The following FAM83G variants were observed in gnomAD, a reference collection of about 807,000 sequenced individuals.
FAM83G encodes the protein protein FAM83G.
Under a neutral mutation model 61.5 loss-of-function variants are expected in FAM83G, and 38 were observed. The ratio of observed to expected loss-of-function variants is 0.62; its 90% confidence interval spans 0.48 to 0.81. The LOEUF (loss-of-function observed/expected upper bound fraction) is 0.81, where lower values mean the gene tolerates loss of function less well. FAM83G is among the 30% of genes least tolerant of loss of function. FAM83G has a pLI of 0.00. For missense variants in FAM83G, 989 were observed against 1,133.6 expected, an observed-to-expected ratio of 0.87 and a Z score of 1.83; for synonymous variants, 470 against 476.1, an observed-to-expected ratio of 0.99 and a Z score of 0.17.
rs746975174 is a variant in FAM83G at position 18,978,215 on chromosome 17, TG to T, written c.1450del (p.Gln484ArgfsTer33). On this transcript the variant is annotated frameshift_variant, in exon 5 of 6. Coordinates refer to ENST00000388995, the MANE Select transcript of FAM83G (RefSeq NM_001039999.3). LOFTEE classifies it high-confidence loss of function. The part of the protein sequence containing the change: ...PCPPPEPSAP[Q>X]DGVPAENGLP... Reference sequence around the variant, plus strand: ...GCCGTTCTCAGCTGGGACACCGTCCTGGGGGGCACTGGGCTCTGGGGGAGGG... The same window carrying T: ...GCCGTTCTCAGCTGGGACACCGTCCTGGGGGCACTGGGCTCTGGGGGAGGG... 1.3e-6 allele frequency: 2 copies of T among 1,575,374 alleles called. No individual in the cohort carries two copies. Among genetic ancestry groups the T allele is most frequent in the Non-Finnish European group, 8.6e-7 (1 of 1,160,924 alleles).
Position 18,978,640 on chromosome 17 carries a change from C to T in FAM83G, c.1026G>A (p.Lys342=). The T allele has an allele frequency of 6.2e-7, 1 of 1,613,118 alleles. No individual in the cohort carries two copies. Among genetic ancestry groups the T allele is most frequent in the Non-Finnish European group, 8.5e-7 (1 of 1,180,002 alleles). The change falls in exon 5 of 6, where the codon AAG becomes AAA. Residue 342 remains lysine, a synonymous_variant. Coordinates refer to ENST00000388995, the MANE Select transcript of FAM83G (RefSeq NM_001039999.3). ...VPLVPAGTVA[K]KLVNPKYALV... is the part of the protein sequence containing the mutation. ...GTGCGTACTTGGGGTTGACGAGCTT[C>T]TTGGCCACAGTGCCCGCGGGCACCA... is the stretch of plus-strand genomic sequence containing the variant.
Position 18,969,507 on chromosome 17 carries a change from T to G in FAM83G, c.*1852A>C. ...GGCACTGCCCGGCACTGTGCAGGAT[T>G]CATGCCGTTGGGGTTCTGGGTAGCA... On this transcript the variant is annotated 3_prime_UTR_variant, in exon 6 of 6. Transcript: ENST00000388995. 7.6e-7 allele frequency: 1 copy of G among 1,314,842 alleles called. No homozygotes were observed. Among genetic ancestry groups the G allele is most frequent in the Non-Finnish European group, 1.1e-6 (1 of 930,468 alleles). The allele number at this position is 1,314,842 out of a possible 1,614,324, so 81.4% of individuals were successfully genotyped here. A position where few individuals can be genotyped will look rare whatever the true frequency, so the allele number is the denominator to read the frequency against.
At chr17:18,987,078 G>C (rs566369188) in intron 3 of FAM83G, among the ~76,000 whole-genome samples, 95 of 152,306 alleles carry the variant, frequency 6.2e-4, no homozygotes, top group Non-Finnish European at 7.9e-4. Context: ...GGGGTTGGAG[G>C]GGGTGGGCGC....
rs1174665679 is a variant in FAM83G at position 18,971,756 on chromosome 17, A to T, written c.2083-8T>A. 1.3e-6 allele frequency: 2 copies of T among 1,548,090 alleles called. No homozygotes were observed. The highest frequency in any genetic ancestry group is 4.5e-5 in the East Asian group (2 of 44,170). ...ATGATGAAACTGCTGGCCCTGGGAGAGAGAGAGCAGAGAGTGAGGCTGAGC... is the reference window on the plus strand; with the variant it reads ...ATGATGAAACTGCTGGCCCTGGGAGTGAGAGAGCAGAGAGTGAGGCTGAGC... On this transcript the variant is annotated splice_region_variant and splice_polypyrimidine_tract_variant and intron_variant, in intron 5 of 5. Coordinates refer to ENST00000388995, the MANE Select transcript of FAM83G (RefSeq NM_001039999.3). The surrounding 1 kb of genome is among the most constrained non-coding windows in gnomAD (Gnocchi z 5.5).
rs1388854324 is a variant in FAM83G, at chr17:18,977,871, T to C, written c.1795A>G (p.Ser599Gly). 1 of 1,611,104 alleles carries C rather than the reference T, an allele frequency of 6.2e-7. No individual in the cohort carries two copies. The highest frequency in any genetic ancestry group is 8.5e-7 in the Non-Finnish European group (1 of 1,179,776). The stretch of plus-strand genomic sequence containing the variant: ...CGGGGGCCAGGGCCACGGCCGGAGC[T>C]GCCTGAGTGGCTGTCCTGGTCACTG... ...TLSDQDSHSG[S>G]SGRGPGPRRP... The change falls in exon 5 of 6, where the codon AGC (serine) becomes GGC (glycine). Residue 599 changes from serine to glycine, a missense_variant. Transcript: ENST00000388995.
chr17:18,976,830 C>A (rs772217660), intron 5 of FAM83G: 5 of 1,611,532 alleles, frequency 3.1e-6, no homozygotes, highest in African/African-American at 2.7e-5. Flanking sequence ...CTTGGACTCA[C>A]CCCGTCTCGC....
Position 18,971,656 on chromosome 17 carries a change from G to C in FAM83G, c.2175C>G (p.Asp725Glu). The change falls in exon 6 of 6, where the codon GAC (aspartate) becomes GAG (glutamate). Residue 725 changes from aspartate to glutamate, a missense_variant. Asp to Glu is a conservative substitution (Grantham distance 45). Around this residue, in one of 3 missense-constraint regions of FAM83G, gnomAD observed 574 missense variants for 645.1 expected, o/e 0.89. Transcript: ENST00000388995. This position sits in a 1 kb window ranked among gnomAD's most constrained non-coding sequence, Gnocchi z 5.5. ...CGTTTCTGGTAGAGCTCTGGACGCT[G>C]TCAGCAGCAGAGCGGTACCTAGGGG... ...PGPPRYRSAADSVQSSTRNAG... is the reference protein window; with the variant it reads ...PGPPRYRSAAESVQSSTRNAG... 1 of 1,613,360 alleles carries C rather than the reference G, an allele frequency of 6.2e-7. No individual in the cohort carries two copies.
intron 3 of FAM83G, 140 bp downstream of exon 3, chr17:18,988,107 G>T: frequency 1.5e-6 from 2 of 1,299,248 alleles, no homozygotes; most frequent in Non-Finnish European, 2.1e-6. Flanking sequence ...GTGACTGCTT[G>T]GCAGGAGGCT....
At position 18,979,059 on chromosome 17, in the gene FAM83G, G is replaced by A. The variant is rs116005535; in HGVS notation, c.816-209C>T. 381 of 606,060 alleles carry A rather than the reference G, an allele frequency of 6.3e-4. 2 individuals carry two copies. Among genetic ancestry groups the A allele is most frequent in the African/African-American group, 5.5e-3 (297 of 54,094 alleles). The allele number at this position is 606,060 out of a possible 1,614,324, so 37.5% of individuals were successfully genotyped here. A position where few individuals can be genotyped will look rare whatever the true frequency, so the allele number is the denominator to read the frequency against. On this transcript the variant is annotated intron_variant, in intron 4 of 5. Coordinates refer to ENST00000388995, the MANE Select transcript of FAM83G (RefSeq NM_001039999.3). Reference sequence around the variant, plus strand: ...TTGCACCAAGCCCATTCCCACCTCTGCAAATGACAGGGCACTGTGCTCCTC... The same window carrying A: ...TTGCACCAAGCCCATTCCCACCTCTACAAATGACAGGGCACTGTGCTCCTC...
intron 5 of FAM83G, among the ~76,000 whole-genome samples, chr17:18,972,597 T>A (rs1247303300): frequency 1.3e-5 from 2 of 152,082 alleles, no homozygotes; most frequent in Non-Finnish European, 2.9e-5. Context: ...GGGCGGTGGC[T>A]CAAGCCTGTA....
intron 4 of FAM83G, 166 bp from the exon 5 acceptor site, chr17:18,979,016 G>A (rs1048664370): frequency 2.1e-5 from 16 of 746,100 alleles, no homozygotes; most frequent in Admixed American, 2.0e-4. Context: ...AGACTGAGTC[G>A]GATGTCAAGC....
chr17:18,999,147 G>A (rs567159610), intron 2 of FAM83G, among the ~76,000 whole-genome samples: 6 of 152,240 alleles, frequency 3.9e-5, no homozygotes, highest in Admixed American at 1.3e-4. Context: ...GCGTGGTGGC[G>A]CACACCTGTA....
intron 2 of FAM83G, among the ~76,000 whole-genome samples, chr17:18,991,752 T>C (rs2043431310): frequency 6.6e-6 from 1 of 152,166 alleles, no homozygotes; most frequent in Non-Finnish European, 1.5e-5. Flanking sequence ...GCCTGGAATC[T>C]GCGCAGGCCA....
At chr17:18,982,264 C>G (rs1000119288) in intron 3 of FAM83G, among the ~76,000 whole-genome samples, 3 of 152,214 alleles carry the variant, frequency 2.0e-5, no homozygotes, top group Non-Finnish European at 4.4e-5. Context: ...TGGGGCTCAG[C>G]AGCAGGTGGG....
Position 19,000,708 on chromosome 17 carries a change from G to A in FAM83G, c.522+2812C>T, listed in dbSNP as rs1296976982. ...GTGCGGCAAGGCGGCCCAGGCAGAG[G>A]GATCCCCATCCTAGGCAGGGGGCAG... On this transcript the variant is annotated intron_variant, in intron 2 of 5. Transcript: ENST00000388995. This position sits in a 1 kb window ranked among gnomAD's most constrained non-coding sequence, Gnocchi z 5.2. Among the ~76,000 whole-genome samples, 1 of 152,144 alleles carries A rather than the reference G, an allele frequency of 6.6e-6. No homozygotes were observed. Among genetic ancestry groups the A allele is most frequent in the Non-Finnish European group, 1.5e-5 (1 of 68,014 alleles).
In FAM83G at chr17:19,000,259, G is replaced by A. The variant is rs2043695718; in HGVS notation, c.522+3261C>T. 6.6e-6 allele frequency among the ~76,000 whole-genome samples: 1 copy of A among 152,166 alleles called. No individual in the cohort carries two copies. Among genetic ancestry groups the A allele is most frequent in the African/African-American group, 2.4e-5 (1 of 41,420 alleles). On this transcript the variant is annotated intron_variant, in intron 2 of 5. Transcript: ENST00000388995. This position sits in a 1 kb window ranked among gnomAD's most constrained non-coding sequence, Gnocchi z 5.2. Reference sequence around the variant, plus strand: ...GGAGGGCACAAGCTGCTGAGAGTGAGACCTGGGACCCACCCGCCTCTTGTC... The same window carrying A: ...GGAGGGCACAAGCTGCTGAGAGTGAAACCTGGGACCCACCCGCCTCTTGTC...
At chr17:18,992,574 C>T (rs756342858) in intron 2 of FAM83G, among the ~76,000 whole-genome samples, 20 of 152,212 alleles carry the variant, frequency 1.3e-4, no homozygotes, top group Non-Finnish European at 2.6e-4. Context: ...AGGCGTGGGC[C>T]TCCTCAATCT....
rs1324177805 is a variant in FAM83G at position 18,969,596 on chromosome 17, T to G, written c.*1763A>C. 9 of 594,730 alleles carry G rather than the reference T, an allele frequency of 1.5e-5. No individual in the cohort carries two copies. In the East Asian group the frequency reaches 2.6e-4, roughly 17 times the overall value. 36.8% of individuals were successfully genotyped at this position (594,730 alleles called of 1,614,324 possible). A position where few individuals can be genotyped will look rare whatever the true frequency, so the allele number is the denominator to read the frequency against. ...GGCAGTCAGCCCCCCTGCTGGCCCC[T>G]CAGGGACTGCCCTGGCTGGTAGAGG... On this transcript the variant is annotated 3_prime_UTR_variant, in exon 6 of 6. Transcript: ENST00000388995.
At position 19,003,699 on chromosome 17, in the gene FAM83G, GC is replaced by G; in HGVS notation, c.342del (p.Ser116ProfsTer29). 6.2e-7 allele frequency: 1 copy of G among 1,607,082 alleles called. No individual in the cohort carries two copies. The highest frequency in any genetic ancestry group is 8.5e-7 in the Non-Finnish European group (1 of 1,176,658). On this transcript the variant is annotated frameshift_variant, in exon 2 of 6. Transcript: ENST00000388995. LOFTEE classifies it high-confidence loss of function. The surrounding 1 kb of genome is among the most constrained non-coding windows in gnomAD (Gnocchi z 4.5). ...ADGVPIEAEP[L>X]PSLEYWPQKS... ...TTCTGGGGCCAGTACTCCAGGGAGG[GC>G]AGCGGCTCGGCCTCGATGGGGACCC...
Sources: allele counts gnomAD v4.1 joint callset (sites outside exome capture counted in the v4.1 genomes callset), GRCh38; gene constraint gnomAD v4.1.1; regional missense constraint gnomAD v4.1.1; non-coding constraint Gnocchi (gnomAD v3.1); transcripts MANE v1.5; gene names NCBI Gene and HGNC (gene_info 2026-07-23, HGNC 2026-07-21).